Variants in HFE observed in about 807,000 individuals in gnomAD.
HFE encodes homeostatic iron regulator, also known as hereditary hemochromatosis protein.
Under a neutral mutation model 40.9 loss-of-function variants are expected in HFE, and 36 were observed. That is an observed-to-expected ratio of 0.88 (90% CI 0.67 to 1.16). The LOEUF is 1.16. Ranked by LOEUF, HFE falls within the 50% of genes most tolerant of loss-of-function variation. The pLI is 0.00. For missense variants in HFE, 376 were observed against 432.0 expected (o/e 0.87, Z 1.15); for synonymous variants, 157 against 165.4 (o/e 0.95, Z 0.39).
At chr6:26,092,647 CAG>C in intron 3 of HFE, 36 bp from the exon 4 acceptor site, 1 of 1,614,130 alleles carries the variant, frequency 6.2e-7, no homozygotes, top group Non-Finnish European at 8.5e-7. Context: ...CAAGGGTAAA[CAG>C]ATCCCCTCTC....
Position 26,094,176 on chromosome 6 carries a change from G to A in HFE, c.1007-10G>A. The A allele has an allele frequency of 1.2e-6, 2 of 1,613,754 alleles. No individual in the cohort carries two copies. Among genetic ancestry groups the A allele is most frequent in the Non-Finnish European group, 1.7e-6 (2 of 1,179,920 alleles). On this transcript the variant is annotated splice_polypyrimidine_tract_variant and intron_variant, in intron 5 of 5. Coordinates refer to ENST00000357618, the MANE Select transcript of HFE (RefSeq NM_000410.4). ...GTGATGCCTCTTTCCTGGGTCTCTT[G>A]TCTCCACAGGAGGAGCCATGGGGCA... is the stretch of plus-strand genomic sequence containing the variant.
intron 1 of HFE, among the ~76,000 whole-genome samples, chr6:26,089,398 G>A (rs1762519074): frequency 6.6e-6 from 1 of 152,162 alleles, no homozygotes; most frequent in African/African-American, 2.4e-5. Context: ...GTAGGCTGTG[G>A]TGTGAATTCT....
At chr6:26,090,671 G>T (rs550351531) in intron 1 of HFE, among the ~76,000 whole-genome samples, 170 bp from the exon 2 acceptor site, 39 of 152,214 alleles carry the variant, frequency 2.6e-4, no homozygotes, top group African/African-American at 8.9e-4. Context: ...AAGCACACAA[G>T]GAAAGAGCAC....
rs1359164951 is a variant in HFE, at chr6:26,094,753, A to G, written c.*527A>G. 4 of 412,030 alleles carry G rather than the reference A, an allele frequency of 9.7e-6. No homozygotes were observed. Among genetic ancestry groups the G allele is most frequent in the Non-Finnish European group, 1.8e-5 (4 of 222,258 alleles). The allele number at this position is 412,030 out of a possible 1,614,324, so 25.5% of individuals were successfully genotyped here. On this transcript the variant is annotated 3_prime_UTR_variant, in exon 6 of 6. Coordinates refer to ENST00000357618, the MANE Select transcript of HFE (RefSeq NM_000410.4). ...ACTCATCTGTCACCAAGCCTTGGGG[A>G]TTCTTCCATCTGATTGTGATGTGAG...
chr6:26,091,214 G>T, intron 2 of HFE, 100 bp from the exon 3 acceptor site: 1 of 1,603,364 alleles, frequency 6.2e-7, no homozygotes, highest in South Asian at 1.1e-5. Context: ...GCAGGGAAGA[G>T]GGAAGGAATT....
chr6:26,095,646 G>A lies in HFE; in HGVS notation c.*1420G>A, dbSNP rs1160108602. The A allele has an allele frequency of 6.6e-6, 1 of 152,146 alleles. No individual in the cohort carries two copies. Among genetic ancestry groups the A allele is most frequent in the Non-Finnish European group, 1.5e-5 (1 of 68,034 alleles). The allele number at this position is 152,146 out of a possible 1,614,324, so 9.4% of individuals were successfully genotyped here. A position where few individuals can be genotyped will look rare whatever the true frequency, so the allele number is the denominator to read the frequency against. On this transcript the variant is annotated 3_prime_UTR_variant, in exon 6 of 6. Transcript: ENST00000357618. ...CTACATTCAGTAGTTTAGATGCCTA[G>A]AATAAATAGAGAAGGAAGGAGATGG... is the stretch of plus-strand genomic sequence containing the variant.
Position 26,092,971 on chromosome 6 carries a change from G to A in HFE, c.892+11G>A, listed in dbSNP as rs1490936195. On this transcript the variant is annotated intron_variant, in intron 4 of 5. Transcript: ENST00000357618. ...TCATTGTGATCTGGGGTATGTGACT[G>A]ATGAGAGCCAGGAGCTGAGAAAATC... 6.2e-7 allele frequency: 1 copy of A among 1,614,020 alleles called. No homozygotes were observed. Among genetic ancestry groups the A allele is most frequent in the Non-Finnish European group, 8.5e-7 (1 of 1,180,048 alleles).
At chr6:26,089,117 G>C (rs1163872168) in intron 1 of HFE, among the ~76,000 whole-genome samples, 1 of 147,374 alleles carries the variant, frequency 6.8e-6, no homozygotes, top group African/African-American at 2.5e-5. Flanking sequence ...GTGGGGGGGG[G>C]GGGCGGCGTG....
Position 26,091,364 on chromosome 6 carries a change from A to G in HFE, c.391A>G (p.Ser131Gly), listed in dbSNP as rs1762689254. The change falls in exon 3 of 6, where the codon AGT becomes GGT. Residue 131 changes from serine to glycine, a missense_variant. Physicochemically the swap from Ser to Gly is moderately conservative, Grantham distance 56 (BLOSUM62 0). Transcript: ENST00000357618. ...GGGCTGTGAAATGCAAGAAGACAAC[A>G]GTACCGAGGGCTACTGGAAGTACGG... ...ILGCEMQEDN[S>G]TEGYWKYGYD... 3.1e-6 allele frequency: 5 copies of G among 1,614,208 alleles called. No homozygotes were observed. Among genetic ancestry groups the G allele is most frequent in the Non-Finnish European group, 4.2e-6 (5 of 1,180,044 alleles).
In HFE at chr6:26,097,002, G is replaced by A. The variant is rs183176419; in HGVS notation, c.*2776G>A. 67 of 184,526 alleles carry A rather than the reference G, an allele frequency of 3.6e-4. No individual in the cohort carries two copies. The East Asian group carries it at 6.5e-3, about 18-fold the overall frequency. 11.4% of individuals were successfully genotyped at this position (184,526 alleles called of 1,614,324 possible). ...GTTTCTTCACTCTAGGGACATTGTC[G>A]TCTAAGTTGTAAGACATTGGTTATT... On this transcript the variant is annotated 3_prime_UTR_variant, in exon 6 of 6. Coordinates refer to ENST00000357618, the MANE Select transcript of HFE (RefSeq NM_000410.4).
chr6:26,090,746 A>C, intron 1 of HFE, 95 bp from the exon 2 acceptor site: 1 of 1,267,676 alleles, frequency 7.9e-7, no homozygotes, highest in Non-Finnish European at 1.2e-6. Context: ...AGGACCAGAC[A>C]CAGCTGATGG....
At chr6:26,089,947 A>G (rs1218986849) in intron 1 of HFE, among the ~76,000 whole-genome samples, 2 of 152,144 alleles carry the variant, frequency 1.3e-5, no homozygotes, top group African/African-American at 4.8e-5. Flanking sequence ...CCTGAAAAAG[A>G]GAAGAGTTAA....
At chr6:26,093,071 G>A (rs761841001) in intron 4 of HFE, 48 bp from the exon 5 acceptor site, 27 of 1,613,216 alleles carry the variant, frequency 1.7e-5, no homozygotes, top group Non-Finnish European at 2.0e-5. Context: ...GTTAGGGGGT[G>A]GGCTGAGGGT....
At position 26,096,148 on chromosome 6, in the gene HFE, T is replaced by C. The variant is rs77100408; in HGVS notation, c.*1922T>C. The C allele has an allele frequency of 2.4e-3, 193 of 81,842 alleles. 6 individuals are homozygous for C. The East Asian group carries it at 0.039, about 16-fold the overall frequency. 5.1% of individuals were successfully genotyped at this position (81,842 alleles called of 1,614,324 possible). On this transcript the variant is annotated 3_prime_UTR_variant, in exon 6 of 6. Transcript: ENST00000357618. ...TCAGTTCACCATGTTCAAAAGAGTCTTTTTTTTTTTTTTGAGACTCTATTG... is the reference window on the plus strand; with the variant it reads ...TCAGTTCACCATGTTCAAAAGAGTCCTTTTTTTTTTTTTGAGACTCTATTG...
Position 26,096,537 on chromosome 6 carries a change from G to A in HFE, c.*2311G>A, listed in dbSNP as rs775237959. On this transcript the variant is annotated 3_prime_UTR_variant, in exon 6 of 6. Coordinates refer to ENST00000357618, the MANE Select transcript of HFE (RefSeq NM_000410.4). The stretch of plus-strand genomic sequence containing the variant: ...TGGTACAAGCATTCTGTCTTGAAGG[G>A]CAGGTGCTTCAGGATACCATATACA... The A allele has an allele frequency of 6.6e-6, 3 of 456,330 alleles. No individual in the cohort carries two copies. Among genetic ancestry groups the A allele is most frequent in the South Asian group, 1.5e-5 (1 of 64,566 alleles). The allele number at this position is 456,330 out of a possible 1,614,324, so 28.3% of individuals were successfully genotyped here. A position where few individuals can be genotyped will look rare whatever the true frequency, so the allele number is the denominator to read the frequency against.
chr6:26,092,700 A>G lies in HFE; in HGVS notation c.632A>G (p.Lys211Arg), dbSNP rs753507029. Reference protein sequence around the residue: ...VLDQQVPPLVKVTHHVTSSVT... With the variant: ...VLDQQVPPLVRVTHHVTSSVT... ...TCCTGTCAAGTGCCTCCTTTGGTGA[A>G]GGTGACACATCATGTGACCTCTTCA... The change falls in exon 4 of 6, where the codon AAG becomes AGG. Residue 211 changes from lysine to arginine, a missense_variant. Transcript: ENST00000357618. The G allele has an allele frequency of 3.7e-6, 6 of 1,614,044 alleles. No individual in the cohort carries two copies. In the Admixed American group the frequency reaches 8.3e-5, roughly 22 times the overall value.
At chr6:26,090,442 C>CAAAAA (rs56267433) in intron 1 of HFE, among the ~76,000 whole-genome samples, 3,313 of 36,744 alleles carry the variant, frequency 0.09, 795 homozygotes, top group East Asian at 0.15. Flanking sequence ...GACTCTGTCT[C>CAAAAA]AAAAAAAAAA....
In HFE at chr6:26,094,205, C is replaced by T. The variant is rs35201683; in HGVS notation, c.1026C>T (p.Tyr342=). The part of the protein sequence containing the change: ...RQGSRGAMGH[Y]VLAERE ...CCACAGGAGGAGCCATGGGGCACTA[C>T]GTCTTAGCTGAACGTGAGTGACACG... Residue 342 remains tyrosine, a synonymous_variant, in exon 6 of 6, where the codon TAC becomes TAT. Coordinates refer to ENST00000357618, the MANE Select transcript of HFE (RefSeq NM_000410.4). 1,575 of 1,613,918 alleles carry T rather than the reference C, an allele frequency of 9.8e-4. 12 individuals are homozygous for T. The African/African-American group carries it at 0.015, about 16-fold the overall frequency.
At position 26,096,480 on chromosome 6, in the gene HFE, T is replaced by A; in HGVS notation, c.*2254T>A. On this transcript the variant is annotated 3_prime_UTR_variant, in exon 6 of 6. Coordinates refer to ENST00000357618, the MANE Select transcript of HFE (RefSeq NM_000410.4). ...ATATCCAGATGGCATGTGTTTACTTTATGTTACTACATGCACTTGGCTGCA... is the reference window on the plus strand; with the variant it reads ...ATATCCAGATGGCATGTGTTTACTTAATGTTACTACATGCACTTGGCTGCA... The A allele has an allele frequency of 2.2e-6, 1 of 456,430 alleles. No homozygotes were observed. Among genetic ancestry groups the A allele is most frequent in the Non-Finnish European group, 4.4e-6 (1 of 226,778 alleles). The allele number at this position is 456,430 out of a possible 1,614,324, so 28.3% of individuals were successfully genotyped here.
Sources: allele counts gnomAD v4.1 joint callset (sites outside exome capture counted in the v4.1 genomes callset), GRCh38; gene constraint gnomAD v4.1.1; transcripts MANE v1.5; gene names NCBI Gene and HGNC (gene_info 2026-07-23, HGNC 2026-07-21).